Variants in SIK2 observed in about 807,000 individuals in gnomAD.
SIK2 encodes serine/threonine-protein kinase SIK2.
Under a neutral mutation model 103.2 loss-of-function variants are expected in SIK2, and 29 were observed. The observed-to-expected ratio is 0.28, with a 90% CI of 0.21 to 0.38. The LOEUF is 0.38. Among genes scored for constraint, SIK2 ranks in the 10% least tolerant of loss-of-function variants. The pLI is 1.00. For missense variants in SIK2, 879 were observed against 1,171.0 expected, an observed-to-expected ratio of 0.75 and a Z score of 3.64; for synonymous variants, 412 against 446.1, an observed-to-expected ratio of 0.92 and a Z score of 0.96.
chr11:111,610,655 C>G (rs1016802797), intron 1 of SIK2, among the ~76,000 whole-genome samples: 1 of 151,974 alleles, frequency 6.6e-6, no homozygotes, highest in Non-Finnish European at 1.5e-5. Context: ...TAAAATTTCA[C>G]ATTGTTAGAA....
intron 1 of SIK2, among the ~76,000 whole-genome samples, chr11:111,615,593 C>T (rs1941795234): frequency 6.6e-6 from 1 of 152,040 alleles, no homozygotes; most frequent in African/African-American, 2.4e-5. Flanking sequence ...AATTATTAAC[C>T]TTGGAATTGT....
intron 3 of SIK2, among the ~76,000 whole-genome samples, chr11:111,678,577 G>C (rs545278849): frequency 6.6e-6 from 1 of 152,234 alleles, no homozygotes; most frequent in South Asian, 2.1e-4. Context: ...GAGATATTTA[G>C]GGTGCTTTTT....
intron 3 of SIK2, among the ~76,000 whole-genome samples, chr11:111,654,897 G>A (rs1428185940): frequency 6.6e-6 from 1 of 152,066 alleles, no homozygotes; most frequent in Non-Finnish European, 1.5e-5. Context: ...TTCCTCCCCA[G>A]GTAGGGACTA....
intron 10 of SIK2, 104 bp downstream of exon 10, chr11:111,720,107 A>T: frequency 8.9e-7 from 1 of 1,118,068 alleles, no homozygotes; most frequent in East Asian, 2.6e-5. Flanking sequence ...AATTGAGTCG[A>T]TAGCTTATTC....
chr11:111,617,791 A>G (rs890940356), intron 2 of SIK2, among the ~76,000 whole-genome samples: 4 of 15,980 alleles, frequency 2.5e-4, no homozygotes, highest in Admixed American at 1.2e-3. Flanking sequence ...CATGTATGCA[A>G]TGTGTGTTTA....
chr11:111,641,767 C>G (rs1480151452), intron 3 of SIK2, among the ~76,000 whole-genome samples: 1 of 152,028 alleles, frequency 6.6e-6, no homozygotes, highest in East Asian at 1.9e-4. Flanking sequence ...AGACCTAGCT[C>G]TTTTTTCCAA....
rs746566927 is a variant in SIK2 at position 111,726,797 on chromosome 11, C to T, written c.*2668C>T. ...CTGACTTGCTTTCCAGTCTGATTCA[C>T]GTTAGCAGTGTGTACACTACTGTAT... On this transcript the variant is annotated 3_prime_UTR_variant, in exon 15 of 15. Coordinates refer to ENST00000304987, the MANE Select transcript of SIK2 (RefSeq NM_015191.3). The T allele has an allele frequency of 6.4e-6, 4 of 625,278 alleles. No individual in the cohort carries two copies. The highest frequency in any genetic ancestry group is 2.8e-5 in the East Asian group (1 of 36,346). The allele number at this position is 625,278 out of a possible 1,614,324, so 38.7% of individuals were successfully genotyped here.
At chr11:111,628,454 T>TTTCTTTCTTTCTTTCTTTCTTTC (rs1565317514) in intron 3 of SIK2, among the ~76,000 whole-genome samples, 6 of 34,072 alleles carry the variant, frequency 1.8e-4, no homozygotes, top group East Asian at 0.023. Context: ...TTCTTTCTTT[T>TTTCTTTCTTTCTTTCTTTCTTTC]TTGAGACAGG....
intron 1 of SIK2, among the ~76,000 whole-genome samples, chr11:111,609,776 T>C (rs142260870): frequency 1.1e-3 from 173 of 152,342 alleles, no homozygotes; most frequent in African/African-American, 4.0e-3. Context: ...AGTCTTTCAT[T>C]ATAGACCACT....
chr11:111,686,706 T>C (rs1942851375), intron 3 of SIK2, among the ~76,000 whole-genome samples: 2 of 152,272 alleles, frequency 1.3e-5, no homozygotes, highest in South Asian at 2.1e-4. Flanking sequence ...TTAGTTTTAT[T>C]GAATTGATGT....
chr11:111,612,679 C>A (rs1941742862), intron 1 of SIK2, among the ~76,000 whole-genome samples: 1 of 152,112 alleles, frequency 6.6e-6, no homozygotes, highest in Non-Finnish European at 1.5e-5. Context: ...ACCTTGGAAG[C>A]CACACATTAA....
intron 3 of SIK2, among the ~76,000 whole-genome samples, chr11:111,637,456 C>CTTTTTTT (rs558690499): frequency 1.9e-4 from 24 of 124,704 alleles, no homozygotes; most frequent in African/African-American, 6.6e-4. Context: ...TTTGTAATAT[C>CTTTTTTT]TTTTTTTTTT....
chr11:111,693,206 C>T (rs1942991253), intron 4 of SIK2, among the ~76,000 whole-genome samples: 1 of 152,092 alleles, frequency 6.6e-6, no homozygotes, highest in Non-Finnish European at 1.5e-5. Flanking sequence ...GTGGTGCATG[C>T]CTGTAATCCC....
At chr11:111,627,772 T>A (rs1429147908) in intron 3 of SIK2, among the ~76,000 whole-genome samples, 3 of 152,078 alleles carry the variant, frequency 2.0e-5, no homozygotes, top group Non-Finnish European at 4.4e-5. Context: ...GCTGGGAGGG[T>A]GTTATGTTCC....
intron 3 of SIK2, among the ~76,000 whole-genome samples, chr11:111,662,411 A>G (rs1446133252): frequency 3.3e-5 from 5 of 152,246 alleles, no homozygotes; most frequent in Non-Finnish European, 7.3e-5. Flanking sequence ...ACAGACACAT[A>G]TATAAAATGG....
intron 9 of SIK2, among the ~76,000 whole-genome samples, chr11:111,717,562 T>C (rs2135962816): frequency 6.6e-6 from 1 of 152,180 alleles, no homozygotes; most frequent in South Asian, 2.1e-4. Flanking sequence ...GAGGCAGAAA[T>C]ACCATTTGAC....
intron 3 of SIK2, among the ~76,000 whole-genome samples, chr11:111,631,765 G>C (rs1942043167): frequency 6.6e-6 from 1 of 152,134 alleles, no homozygotes; most frequent in Non-Finnish European, 1.5e-5. Context: ...ATTCCAGGAA[G>C]GCCTTAGGTC....
At chr11:111,603,622 C>T (rs1941612790) in intron 1 of SIK2, among the ~76,000 whole-genome samples, 3 of 152,136 alleles carry the variant, frequency 2.0e-5, no homozygotes, top group Admixed American at 2.0e-4. Flanking sequence ...CTTCCACTGC[C>T]TCAAGCTGCT....
chr11:111,676,244 T>C (rs1044077318), intron 3 of SIK2, among the ~76,000 whole-genome samples: 2 of 152,228 alleles, frequency 1.3e-5, no homozygotes, highest in African/African-American at 4.8e-5. Context: ...GTCTTTCTGG[T>C]AGAATGATTT....
Sources: allele counts gnomAD v4.1 joint callset (sites outside exome capture counted in the v4.1 genomes callset), GRCh38; gene constraint gnomAD v4.1.1; transcripts MANE v1.5; gene names NCBI Gene and HGNC (gene_info 2026-07-23, HGNC 2026-07-21).